CORO1C: variants seen among roughly 807,000 people sequenced by gnomAD.
CORO1C encodes coronin 1C, also known as coronin-1C.
CORO1C carries 14 observed loss-of-function variants against 51.2 expected under a neutral mutation model. That is an observed-to-expected ratio of 0.27 (90% confidence interval 0.18 to 0.43). The LOEUF (loss-of-function observed/expected upper bound fraction) is 0.43, where lower values mean the gene tolerates loss of function less well. Ranked by LOEUF, CORO1C falls within the 20% of genes least tolerant of loss-of-function variation. The pLI is 1.00. For synonymous variants in CORO1C, 181 were observed against 210.5 expected, an observed-to-expected ratio of 0.86 and a Z score of 1.21; for missense variants, 417 against 607.8, an observed-to-expected ratio of 0.69 and a Z score of 3.30.
At chr12:108,648,524 G>C in intron 10 of CORO1C, 81 bp downstream of exon 10, 1 of 1,581,184 alleles carries the variant, frequency 6.3e-7, no homozygotes, top group South Asian at 1.1e-5. Flanking sequence ...GACAGTACTC[G>C]CCGACGCCCT....
chr12:108,714,173 G>A (rs901238832), intron 1 of CORO1C, among the ~76,000 whole-genome samples: 8 of 151,988 alleles, frequency 5.3e-5, no homozygotes, highest in African/African-American at 1.2e-4. Flanking sequence ...GGCGGATCAC[G>A]AAGTCAAGGG....
intron 1 of CORO1C, among the ~76,000 whole-genome samples, chr12:108,709,012 TC>T (rs2035108036): frequency 6.6e-6 from 1 of 152,002 alleles, no homozygotes; most frequent in African/African-American, 2.4e-5. Context: ...ATCTCAGCCT[TC>T]CAAACTGCTT....
At chr12:108,712,481 C>T (rs372617852) in intron 1 of CORO1C, among the ~76,000 whole-genome samples, 1 of 142,462 alleles carries the variant, frequency 7.0e-6, no homozygotes, top group South Asian at 2.2e-4. Context: ...GGCTGAGGCA[C>T]GAGAATTGCT....
At chr12:108,710,522 A>T (rs2035149410) in intron 1 of CORO1C, among the ~76,000 whole-genome samples, 1 of 152,144 alleles carries the variant, frequency 6.6e-6, no homozygotes. Flanking sequence ...TAATATTCAT[A>T]ATACTTAACA....
rs1264185941 is a variant in CORO1C, at chr12:108,683,242, AC to A, written c.196-4849del. Reference sequence around the variant, plus strand: ...GGACCAGCCTGGCCAACATAGTGAAACCCCGTCTCTGCTAAAAATACAAAAA... The same window carrying A: ...GGACCAGCCTGGCCAACATAGTGAAACCCGTCTCTGCTAAAAATACAAAAA... On this transcript the variant is annotated intron_variant, in intron 2 of 10. Coordinates refer to ENST00000261401, the MANE Select transcript of CORO1C (RefSeq NM_014325.4). Among the ~76,000 whole-genome samples the A allele has an allele frequency of 3.3e-5, 5 of 152,148 alleles. No individual in the cohort carries two copies. The East Asian group carries it at 7.7e-4, about 23-fold the overall frequency.
At chr12:108,669,800 T>G (rs1039410796) in intron 3 of CORO1C, among the ~76,000 whole-genome samples, 2 of 152,090 alleles carry the variant, frequency 1.3e-5, no homozygotes, top group African/African-American at 4.8e-5. Context: ...GCAGGTAGGC[T>G]AGGAGAAGAT....
chr12:108,728,326 A>T (rs1473518429), intron 1 of CORO1C, among the ~76,000 whole-genome samples: 1 of 151,472 alleles, frequency 6.6e-6, no homozygotes, highest in Non-Finnish European at 1.5e-5. Context: ...AAACAATGGA[A>T]TATTATTTGA....
intron 1 of CORO1C, among the ~76,000 whole-genome samples, chr12:108,718,885 G>C (rs2136884902): frequency 6.6e-6 from 1 of 152,272 alleles, no homozygotes; most frequent in African/African-American, 2.4e-5. Context: ...AATACCTTTA[G>C]AAGAAGGTCT....
chr12:108,698,980 T>C (rs1252271393), intron 2 of CORO1C, among the ~76,000 whole-genome samples: 1 of 152,184 alleles, frequency 6.6e-6, no homozygotes, highest in Non-Finnish European at 1.5e-5. Context: ...CCAATGGCTG[T>C]CACAGGGCTT....
intron 1 of CORO1C, among the ~76,000 whole-genome samples, chr12:108,720,941 T>G (rs187588433): frequency 4.6e-5 from 7 of 152,302 alleles, no homozygotes; most frequent in African/African-American, 1.7e-4. Context: ...ATTCAATTAC[T>G]CAATTAACAT....
chr12:108,666,804 T>C (rs1451195668), intron 3 of CORO1C, among the ~76,000 whole-genome samples: 1 of 152,162 alleles, frequency 6.6e-6, no homozygotes, highest in African/African-American at 2.4e-5. Context: ...TCAGGGGTTA[T>C]TAGAAGGGTT....
intron 1 of CORO1C, among the ~76,000 whole-genome samples, chr12:108,715,456 C>T (rs1159043242): frequency 6.6e-6 from 1 of 152,092 alleles, no homozygotes; most frequent in Non-Finnish European, 1.5e-5. Context: ...ATTTCTATTA[C>T]AGAGATAATG....
intron 8 of CORO1C, chr12:108,649,226 A>T: frequency 3.3e-6 from 2 of 613,190 alleles, no homozygotes; most frequent in Non-Finnish European, 5.7e-6. Flanking sequence ...CTATGCTAGG[A>T]ACTGGCAGAC....
chr12:108,687,560 G>A lies in CORO1C; in HGVS notation c.196-9166C>T, dbSNP rs188102706. Among the ~76,000 whole-genome samples the A allele has an allele frequency of 5.7e-3, 867 of 152,008 alleles. 10 individuals are homozygous for A. The highest frequency in any genetic ancestry group is 0.02 in the African/African-American group (810 of 41,452). On this transcript the variant is annotated intron_variant, in intron 2 of 10. Coordinates refer to ENST00000261401, the MANE Select transcript of CORO1C (RefSeq NM_014325.4). ...AGCACTTTGGGAGGCTGAGGCGGGC[G>A]GATCACTTGAGGTCAGGAGTTCGAG...
At chr12:108,676,625 A>G in intron 3 of CORO1C, among the ~76,000 whole-genome samples, 1 of 152,076 alleles carries the variant, frequency 6.6e-6, no homozygotes, top group Non-Finnish European at 1.5e-5. Flanking sequence ...CATAAAAATT[A>G]GCCAGGCATG....
At chr12:108,729,704 AC>A (rs1483035795) in intron 1 of CORO1C, among the ~76,000 whole-genome samples, 10 of 152,236 alleles carry the variant, frequency 6.6e-5, no homozygotes, top group Non-Finnish European at 1.2e-4. Context: ...AACCAAAAAT[AC>A]TAGTTTCCTT....
Position 108,675,805 on chromosome 12 carries a change from G to A in CORO1C, c.318+2467C>T, listed in dbSNP as rs141941845. 4.2e-3 allele frequency among the ~76,000 whole-genome samples: 646 copies of A among 152,284 alleles called. 41 individuals are homozygous for A. The South Asian group carries it at 0.11, about 26-fold the overall frequency. On this transcript the variant is annotated intron_variant, in intron 3 of 10. Transcript: ENST00000261401. Reference sequence around the variant, plus strand: ...ACACTGTGACATCATGTGCTTCCTAGCGTATGGAAGAACATAATGCGAACA... The same window carrying A: ...ACACTGTGACATCATGTGCTTCCTAACGTATGGAAGAACATAATGCGAACA...
At chr12:108,664,222 C>A (rs1490875250) in intron 3 of CORO1C, among the ~76,000 whole-genome samples, 1 of 152,072 alleles carries the variant, frequency 6.6e-6, no homozygotes. Flanking sequence ...AATTTAAGAA[C>A]TTGTCAATGA....
chr12:108,654,274 A>T (rs1298435491), intron 7 of CORO1C, 32 bp downstream of exon 7: 2 of 1,346,110 alleles, frequency 1.5e-6, no homozygotes, highest in Non-Finnish European at 2.1e-6. Context: ...CACTTACAGG[A>T]TTTAACACCA....
Sources: gnomAD v4.1 joint callset for allele counts (sites outside exome capture counted in the v4.1 genomes callset) on GRCh38, gnomAD v4.1.1 for gene constraint, MANE v1.5 for transcripts, NCBI Gene and HGNC (gene_info 2026-07-23, HGNC 2026-07-21) for gene names.